Variants in KCNQ2 observed in about 807,000 individuals in gnomAD.
KCNQ2 encodes potassium voltage-gated channel subfamily Q member 2.
In KCNQ2, 14 loss-of-function variants were observed where a neutral mutation model predicts 84.8. That is an observed-to-expected ratio of 0.17 (90% CI 0.11 to 0.26). The LOEUF (loss-of-function observed/expected upper bound fraction) is 0.26, where lower values mean the gene tolerates loss of function less well. KCNQ2 is among the 10% of genes least tolerant of loss of function. KCNQ2 has a pLI of 1.00. For missense variants in KCNQ2, 788 were observed against 1,254.0 expected, an observed-to-expected ratio of 0.63 and a Z score of 5.61; for synonymous variants, 599 against 554.1, an observed-to-expected ratio of 1.08 and a Z score of -1.14.
At chr20:63,431,416 C>T in intron 8 of KCNQ2, 47 bp from the exon 9 acceptor site, 1 of 1,599,912 alleles carries the variant, frequency 6.3e-7, no homozygotes, top group Non-Finnish European at 8.6e-7. Context: ...CGGAAAATTT[C>T]AAAAAGAACG....
At position 63,408,466 on chromosome 20, in the gene KCNQ2, C is replaced by T. The variant is rs1180808546; in HGVS notation, c.1834G>A (p.Glu612Lys). 6.2e-7 allele frequency: 1 copy of T among 1,607,772 alleles called. No individual in the cohort carries two copies. Among genetic ancestry groups the T allele is most frequent in the Non-Finnish European group, 8.5e-7 (1 of 1,178,222 alleles). Reference sequence around the variant, plus strand: ...ATCATGCTGGGGTCCTCGGGCAGCTCCGCCTCGGCCGGGCCCTTGGTGCGG... The same window carrying T: ...ATCATGCTGGGGTCCTCGGGCAGCTTCGCCTCGGCCGGGCCCTTGGTGCGG... ...KDRTKGPAEA[E>K]LPEDPSMMGR... The change falls in exon 16 of 17, where the codon GAG becomes AAG. Residue 612 changes from glutamate to lysine, a missense_variant. Transcript: ENST00000359125. The surrounding 1 kb of genome is among the most constrained non-coding windows in gnomAD (Gnocchi z 5.0).
Position 63,400,722 on chromosome 20 carries a change from G to T in KCNQ2, c.*5922C>A, listed in dbSNP as rs1246267549. The T allele has an allele frequency of 1.3e-5, 5 of 398,436 alleles. No homozygotes were observed. The East Asian group carries it at 1.8e-4, about 14-fold the overall frequency. 24.7% of individuals were successfully genotyped at this position (398,436 alleles called of 1,614,324 possible). On this transcript the variant is annotated 3_prime_UTR_variant, in exon 17 of 17. Coordinates refer to ENST00000359125, the MANE Select transcript of KCNQ2 (RefSeq NM_172107.4). The surrounding 1 kb of genome is among the most constrained non-coding windows in gnomAD (Gnocchi z 8.7). ...TGGGGCGCGGGCATGGCGGGCACAC[G>T]TGGGCCGTGTGGATCCCGGGCAGAG...
chr20:63,414,230 G>A lies in KCNQ2; in HGVS notation c.1526-37C>T. 1.3e-6 allele frequency: 2 copies of A among 1,487,790 alleles called. No homozygotes were observed. Among genetic ancestry groups the A allele is most frequent in the Non-Finnish European group, 1.9e-6 (2 of 1,066,436 alleles). 92.2% of individuals were successfully genotyped at this position (1,487,790 alleles called of 1,614,324 possible). On this transcript the variant is annotated intron_variant, in intron 13 of 16. Transcript: ENST00000359125. This position sits in a 1 kb window ranked among gnomAD's most constrained non-coding sequence, Gnocchi z 6.6. ...GAGACAGGCCGTGAGGGGCCGAGGG[G>A]GCCGGGAGACCTATTCCCGGGGTCC... is the stretch of plus-strand genomic sequence containing the variant.
chr20:63,410,072 C>T (rs2080075189), intron 15 of KCNQ2: 1 of 246,372 alleles, frequency 4.1e-6, no homozygotes, highest in East Asian at 1.7e-4. Flanking sequence ...CCTCATGCTC[C>T]GCGGGGCTTC....
chr20:63,454,792 G>A (rs1191322307), intron 1 of KCNQ2, among the ~76,000 whole-genome samples: 12 of 152,360 alleles, frequency 7.9e-5, no homozygotes, highest in South Asian at 6.2e-4. Context: ...GAGGCTCCCC[G>A]GGAACACTGG....
intron 11 of KCNQ2, chr20:63,422,267 G>C (rs1372905001): frequency 6.6e-6 from 1 of 152,656 alleles, no homozygotes; most frequent in Non-Finnish European, 1.5e-5. Flanking sequence ...AACTTCCTAA[G>C]CACGACCCTA....
chr20:63,435,735 G>A (rs2080973197), intron 7 of KCNQ2, among the ~76,000 whole-genome samples: 1 of 152,242 alleles, frequency 6.6e-6, no homozygotes, highest in African/African-American at 2.4e-5. Flanking sequence ...TGGCCCAGCA[G>A]CGGCATCTCA....
At chr20:63,440,401 G>A (rs186345924) in intron 5 of KCNQ2, among the ~76,000 whole-genome samples, 13 of 152,298 alleles carry the variant, frequency 8.5e-5, no homozygotes, top group Non-Finnish European at 1.8e-4. Context: ...TGCCGGGGCC[G>A]AGGAAGGCAG....
chr20:63,417,620 G>A (rs867955876), intron 12 of KCNQ2, among the ~76,000 whole-genome samples: 3 of 152,358 alleles, frequency 2.0e-5, no homozygotes, highest in Non-Finnish European at 4.4e-5. Context: ...CTGCGGCCCC[G>A]GAGGGGAACG....
In KCNQ2 at chr20:63,414,040, G is replaced by A. The variant is rs1225837259; in HGVS notation, c.1631+48C>T. The A allele has an allele frequency of 1.4e-6, 2 of 1,407,748 alleles. No homozygotes were observed. Among genetic ancestry groups the A allele is most frequent in the Admixed American group, 1.7e-5 (1 of 59,718 alleles). 87.2% of individuals were successfully genotyped at this position (1,407,748 alleles called of 1,614,324 possible). Reference sequence around the variant, plus strand: ...GGCAGCAGGCAGGACCACCGAGCGGGAGGCCCCTCCTCACTCCCCCAGGCT... The same window carrying A: ...GGCAGCAGGCAGGACCACCGAGCGGAAGGCCCCTCCTCACTCCCCCAGGCT... On this transcript the variant is annotated intron_variant, in intron 14 of 16. Coordinates refer to ENST00000359125, the MANE Select transcript of KCNQ2 (RefSeq NM_172107.4). This position sits in a 1 kb window ranked among gnomAD's most constrained non-coding sequence, Gnocchi z 6.6.
intron 4 of KCNQ2, chr20:63,443,723 A>G (rs1568938760): frequency 6.6e-6 from 1 of 152,302 alleles, no homozygotes; most frequent in Non-Finnish European, 1.5e-5. Flanking sequence ...TGAGGCCAGC[A>G]GAGGCTCCAC....
At chr20:63,429,091 G>C (rs962799576) in intron 9 of KCNQ2, among the ~76,000 whole-genome samples, 1 of 151,568 alleles carries the variant, frequency 6.6e-6, no homozygotes, top group East Asian at 2.0e-4. Flanking sequence ...GACCAAGTCC[G>C]GGCCCGCCGA....
At chr20:63,427,385 C>T (rs1213209815) in intron 10 of KCNQ2, among the ~76,000 whole-genome samples, 7 of 152,372 alleles carry the variant, frequency 4.6e-5, no homozygotes, top group African/African-American at 1.7e-4. Flanking sequence ...CACACCCGCG[C>T]TTGTAGGCGT....
In KCNQ2 at chr20:63,472,510, G is replaced by A. The variant is rs751556104; in HGVS notation, c.-47C>T. The A allele has an allele frequency of 1.5e-5, 20 of 1,374,974 alleles. No homozygotes were observed. Among genetic ancestry groups the A allele is most frequent in the Middle Eastern group, 5.2e-4 (2 of 3,850 alleles). The allele number at this position is 1,374,974 out of a possible 1,614,324, so 85.2% of individuals were successfully genotyped here. A position where few individuals can be genotyped will look rare whatever the true frequency, so the allele number is the denominator to read the frequency against. On this transcript the variant is annotated 5_prime_UTR_variant, in exon 1 of 17. Transcript: ENST00000359125. ...CGGGTCGGGCTCAGGCTCAGCGGGGGCGGAGCGCGGGGGGCGGCGCGGGCC... is the reference window on the plus strand; with the variant it reads ...CGGGTCGGGCTCAGGCTCAGCGGGGACGGAGCGCGGGGGGCGGCGCGGGCC...
rs1053271002 is a variant in KCNQ2, at chr20:63,447,620, C to T, written c.297-783G>A. Among the ~76,000 whole-genome samples the T allele has an allele frequency of 2.5e-5, 3 of 117,872 alleles. No individual in the cohort carries two copies. The East Asian group carries it at 7.0e-4, about 28-fold the overall frequency. 77.3% of individuals were successfully genotyped at this position (117,872 alleles called of 152,430 possible). A position where few individuals can be genotyped will look rare whatever the true frequency, so the allele number is the denominator to read the frequency against. On this transcript the variant is annotated intron_variant, in intron 1 of 16. Coordinates refer to ENST00000359125, the MANE Select transcript of KCNQ2 (RefSeq NM_172107.4). ...GTTTGTTTTGTTTTGTTTTGAGATA[C>T]AGTTTCACTTGTCGCGCAGGCTGGA...
At position 63,400,494 on chromosome 20, in the gene KCNQ2, C is replaced by T. The variant is rs1057366881; in HGVS notation, c.*6150G>A. The T allele has an allele frequency of 1.3e-5, 5 of 397,414 alleles. No individual in the cohort carries two copies. Among genetic ancestry groups the T allele is most frequent in the South Asian group, 1.4e-4 (1 of 7,036 alleles). The allele number at this position is 397,414 out of a possible 1,614,324, so 24.6% of individuals were successfully genotyped here. A position where few individuals can be genotyped will look rare whatever the true frequency, so the allele number is the denominator to read the frequency against. On this transcript the variant is annotated 3_prime_UTR_variant, in exon 17 of 17. Transcript: ENST00000359125. This position sits in a 1 kb window ranked among gnomAD's most constrained non-coding sequence, Gnocchi z 8.7. ...TGCACAAAGTTGAGATTGAAGTGTG[C>T]GGGGTAACACATCCACCAAAAAAAG...
intron 11 of KCNQ2, chr20:63,422,796 GGGC>G (rs1398117733): frequency 6.6e-6 from 1 of 152,378 alleles, no homozygotes; most frequent in Non-Finnish European, 1.5e-5. Context: ...AACGTGGAGC[GGGC>G]CGGGCTGGGG....
intron 1 of KCNQ2, among the ~76,000 whole-genome samples, chr20:63,463,204 G>C (rs765160692): frequency 3.3e-5 from 5 of 152,130 alleles, no homozygotes; most frequent in Non-Finnish European, 7.4e-5. Flanking sequence ...CTGGGCTGCA[G>C]TGAGCTACAA....
chr20:63,467,079 T>C (rs958881559), intron 1 of KCNQ2, among the ~76,000 whole-genome samples: 2 of 152,148 alleles, frequency 1.3e-5, no homozygotes, highest in East Asian at 1.9e-4. Context: ...AACGGGCACA[T>C]TGCTCCCGCC....
Sources: allele counts gnomAD v4.1 joint callset (sites outside exome capture counted in the v4.1 genomes callset), GRCh38; gene constraint gnomAD v4.1.1; non-coding constraint Gnocchi (gnomAD v3.1); transcripts MANE v1.5; gene names NCBI Gene and HGNC (gene_info 2026-07-23, HGNC 2026-07-21).